The following BRIP1 variants were observed in gnomAD, a reference collection of about 807,000 sequenced individuals.
The protein encoded by BRIP1 is Fanconi anemia group J protein.
A neutral mutation model predicts 119.7 loss-of-function variants in BRIP1; 88 were observed. The observed-to-expected ratio is 0.74, with a 90% CI of 0.62 to 0.88. The LOEUF (loss-of-function observed/expected upper bound fraction) is 0.88, where lower values mean the gene tolerates loss of function less well. Among genes scored for constraint, BRIP1 ranks in the 40% least tolerant of loss-of-function variants. BRIP1 has a pLI of 0.00. For synonymous variants in BRIP1, 443 were observed against 496.5 expected, an observed-to-expected ratio of 0.89 and a Z score of 1.43; for missense variants, 1,259 against 1,455.4, an observed-to-expected ratio of 0.87 and a Z score of 2.20.
In BRIP1 at chr17:61,743,649, C is replaced by T. The variant is rs375058121; in HGVS notation, c.2258-515G>A. Among the ~76,000 whole-genome samples, 1 of 152,038 alleles carries T rather than the reference C, an allele frequency of 6.6e-6. No individual in the cohort carries two copies. The highest frequency in any genetic ancestry group is 1.9e-4 in the East Asian group (1 of 5,188). On this transcript the variant is annotated intron_variant, in intron 15 of 19. Transcript: ENST00000259008. The surrounding 1 kb of genome is among the most constrained non-coding windows in gnomAD (Gnocchi z 4.3). ...ACCTCTTTCTTGCATTGTTCATAAACTACTACTATCCCTTCACATCAAACT... is the reference window on the plus strand; with the variant it reads ...ACCTCTTTCTTGCATTGTTCATAAATTACTACTATCCCTTCACATCAAACT...
intron 7 of BRIP1, among the ~76,000 whole-genome samples, chr17:61,801,923 A>G (rs2078002371): frequency 6.6e-6 from 1 of 152,126 alleles, no homozygotes; most frequent in African/African-American, 2.4e-5. Context: ...ACTTTGAGCC[A>G]TGTGATAGTA....
chr17:61,741,307 C>T (rs2076983756), intron 16 of BRIP1, among the ~76,000 whole-genome samples: 1 of 152,240 alleles, frequency 6.6e-6, no homozygotes, highest in African/African-American at 2.4e-5. Context: ...GAACTCTTAA[C>T]TCCCTCAGAG....
At chr17:61,763,221 T>C (rs1434402900) in intron 14 of BRIP1, among the ~76,000 whole-genome samples, 1 of 152,164 alleles carries the variant, frequency 6.6e-6, no homozygotes, top group Non-Finnish European at 1.5e-5. Context: ...TTCATCCATG[T>C]TGTAGCATGA....
In BRIP1 at chr17:61,685,990, A is replaced by G. The variant is rs150780318; in HGVS notation, c.2751T>C (p.Ser917=). The G allele has an allele frequency of 1.3e-5, 21 of 1,613,904 alleles. No individual in the cohort carries two copies. The highest frequency in any genetic ancestry group is 7.6e-6 in the Non-Finnish European group (9 of 1,179,920). Reference sequence around the variant, plus strand: ...CTGCTTCCAGTAAATAAGGTGAGGTACTGTACTTTAAAGAGGTCACTTCAA... The same window carrying G: ...CTGCTTCCAGTAAATAAGGTGAGGTGCTGTACTTTAAAGAGGTCACTTCAA... ...STLEVTSLKY[S]TSPYLLEAAS... The change falls in exon 19 of 20, where the codon AGT becomes AGC. Residue 917 remains serine, a synonymous_variant. Transcript: ENST00000259008.
rs587781325 is a variant in BRIP1 at position 61,801,288 on chromosome 17, A to G, written c.1105T>C (p.Tyr369His). The G allele has an allele frequency of 3.0e-5, 48 of 1,613,900 alleles. No homozygotes were observed. The highest frequency in any genetic ancestry group is 4.0e-5 in the Non-Finnish European group (47 of 1,179,890). ...ATTTGTGCATCTAGAAGATAGTTGT[A>G]GGGACAAAATATGATGTCAGCATCT... ...IQDADIIFCPYNYLLDAQIRE... is the reference protein window; with the variant it reads ...IQDADIIFCPHNYLLDAQIRE... The change falls in exon 8 of 20, where the codon TAC becomes CAC. Residue 369 changes from tyrosine to histidine, a missense_variant. Tyr to His is a moderately conservative substitution (Grantham distance 83, BLOSUM62 2). Coordinates refer to ENST00000259008, the MANE Select transcript of BRIP1 (RefSeq NM_032043.3).
intron 10 of BRIP1, among the ~76,000 whole-genome samples, chr17:61,787,272 A>C (rs1372841248): frequency 1.4e-5 from 1 of 74,072 alleles, no homozygotes; most frequent in Non-Finnish European, 2.4e-5. Flanking sequence ...AAAATATATA[A>C]AAATATATTA....
rs2145093977 is a variant in BRIP1 at position 61,780,922 on chromosome 17, A to T, written c.1712T>A (p.Leu571Ter). ...QIDISDKNGL[L>*]VLPKNKKRSR... ...ACGTTTCTTATTTTTTGGTAGAACC[A>T]ACAACCCATTTTTGTCTGAAATATC... Residue 571 changes from leucine (L) to a stop codon, truncating the protein, a stop_gained, in exon 12 of 20, where the codon TTG becomes TAG. Coordinates refer to ENST00000259008, the MANE Select transcript of BRIP1 (RefSeq NM_032043.3). LOFTEE classifies it high-confidence loss of function. This position sits in a 1 kb window ranked among gnomAD's most constrained non-coding sequence, Gnocchi z 5.4. 6.2e-7 allele frequency: 1 copy of T among 1,614,136 alleles called. No individual in the cohort carries two copies. The highest frequency in any genetic ancestry group is 8.5e-7 in the Non-Finnish European group (1 of 1,180,012).
In BRIP1 at chr17:61,787,397, TA is replaced by T. The variant is rs1321274616; in HGVS notation, c.1474-2974del. ...AGTTATATACTATATATAGTATATA[TA>T]TTTATATAAAATATTTATATAAAAT... On this transcript the variant is annotated intron_variant, in intron 10 of 19. Transcript: ENST00000259008. Among the ~76,000 whole-genome samples, 128 of 137,206 alleles carry T rather than the reference TA, an allele frequency of 9.3e-4. 3 individuals carry two copies. Among genetic ancestry groups the T allele is most frequent in the Non-Finnish European group, 1.7e-3 (108 of 64,874 alleles). The allele number at this position is 137,206 out of a possible 152,430, so 90.0% of individuals were successfully genotyped here.
rs1017296616 is a variant in BRIP1 at position 61,794,353 on chromosome 17, T to C, written c.1341-624A>G. Among the ~76,000 whole-genome samples, 2 of 152,064 alleles carry C rather than the reference T, an allele frequency of 1.3e-5. No individual in the cohort carries two copies. Among genetic ancestry groups the C allele is most frequent in the Non-Finnish European group, 2.9e-5 (2 of 68,004 alleles). ...AAAATGTCAGGTAGTCATGGGATAC[T>C]ATATGGCCATAAAAAAGAACAAGAA... is the stretch of plus-strand genomic sequence containing the variant. On this transcript the variant is annotated intron_variant, in intron 9 of 19. Coordinates refer to ENST00000259008, the MANE Select transcript of BRIP1 (RefSeq NM_032043.3). This position sits in a 1 kb window ranked among gnomAD's most constrained non-coding sequence, Gnocchi z 4.3.
At position 61,713,973 on chromosome 17, in the gene BRIP1, A is replaced by C. The variant is rs1039943303; in HGVS notation, c.2492+1978T>G. 6.6e-6 allele frequency among the ~76,000 whole-genome samples: 1 copy of C among 152,020 alleles called. No individual in the cohort carries two copies. Among genetic ancestry groups the C allele is most frequent in the Non-Finnish European group, 1.5e-5 (1 of 68,014 alleles). On this transcript the variant is annotated intron_variant, in intron 17 of 19. Transcript: ENST00000259008. This position sits in a 1 kb window ranked among gnomAD's most constrained non-coding sequence, Gnocchi z 4.9. Reference sequence around the variant, plus strand: ...AGCTAAGTGTTGTAAAAGAGTCAAAAAGGTAAAAAAAAAGATAAAAAGATA... The same window carrying C: ...AGCTAAGTGTTGTAAAAGAGTCAAACAGGTAAAAAAAAAGATAAAAAGATA...
Position 61,834,380 on chromosome 17 carries a change from C to T in BRIP1, c.627+12721G>A, listed in dbSNP as rs1437750744. Among the ~76,000 whole-genome samples, 2 of 151,968 alleles carry T rather than the reference C, an allele frequency of 1.3e-5. No homozygotes were observed. Among genetic ancestry groups the T allele is most frequent in the Non-Finnish European group, 2.9e-5 (2 of 68,002 alleles). The stretch of plus-strand genomic sequence containing the variant: ...GATTGCAGGAGTGAGCCACCACGCT[C>T]GGCCCAATAATTACGATTTTTTTGA... On this transcript the variant is annotated intron_variant, in intron 6 of 19. Transcript: ENST00000259008. The surrounding 1 kb of genome is among the most constrained non-coding windows in gnomAD (Gnocchi z 4.4).
In BRIP1 at chr17:61,853,639, G is replaced by T. The variant is rs139482009; in HGVS notation, c.379+3419C>A. The stretch of plus-strand genomic sequence containing the variant: ...ATAAAGACACAAAGGCAATGTAGTG[G>T]ATAAAGGATAGCCTTTTCGATATAT... On this transcript the variant is annotated intron_variant, in intron 4 of 19. Coordinates refer to ENST00000259008, the MANE Select transcript of BRIP1 (RefSeq NM_032043.3). The surrounding 1 kb of genome is among the most constrained non-coding windows in gnomAD (Gnocchi z 4.3). 6.4e-4 allele frequency among the ~76,000 whole-genome samples: 98 copies of T among 152,256 alleles called. 2 individuals carry two copies. In the South Asian group the frequency reaches 0.02, roughly 31 times the overall value.
rs1030188145 is a variant in BRIP1, at chr17:61,760,160, G to A, written c.2098-15569C>T. 6.6e-5 allele frequency among the ~76,000 whole-genome samples: 10 copies of A among 151,870 alleles called. 1 individual carries two copies. The highest frequency in any genetic ancestry group is 2.4e-4 in the African/African-American group (10 of 41,474). On this transcript the variant is annotated intron_variant, in intron 14 of 19. Coordinates refer to ENST00000259008, the MANE Select transcript of BRIP1 (RefSeq NM_032043.3). The surrounding 1 kb of genome is among the most constrained non-coding windows in gnomAD (Gnocchi z 4.6). ...AATTTGGGAAAATTCACAAATATAT[G>A]GAAATTAAACAACATGTTCCTGAAC...
rs35019722 is a variant in BRIP1, at chr17:61,758,837, TAA to T, written c.2098-14248_2098-14247del. On this transcript the variant is annotated intron_variant, in intron 14 of 19. Transcript: ENST00000259008. This position sits in a 1 kb window ranked among gnomAD's most constrained non-coding sequence, Gnocchi z 5.3. ...GGGCAAAACAGCAAGACCCTATCTC[TAA>T]AAAAAAAAAAGTTTTTAAAAAATGT... Among the ~76,000 whole-genome samples, 140 of 145,942 alleles carry T rather than the reference TAA, an allele frequency of 9.6e-4. No homozygotes were observed. Among genetic ancestry groups the T allele is most frequent in the Admixed American group, 3.9e-3 (57 of 14,522 alleles).
chr17:61,783,918 AAT>A (rs2077661508), intron 11 of BRIP1: 1 of 182,690 alleles, frequency 5.5e-6, no homozygotes, highest in East Asian at 1.6e-4. Context: ...CTACAAAAAA[AAT>A]AAAAATTAAA....
chr17:61,820,777 C>T (rs2078308622), intron 6 of BRIP1, among the ~76,000 whole-genome samples: 1 of 151,976 alleles, frequency 6.6e-6, no homozygotes, highest in Non-Finnish European at 1.5e-5. Context: ...TGGTGAAACC[C>T]TGTCTCTACT....
At chr17:61,697,336 CAAAAAAAAAAAAAAA>C (rs55963888) in intron 17 of BRIP1, among the ~76,000 whole-genome samples, 24 of 59,164 alleles carry the variant, frequency 4.1e-4, no homozygotes, top group African/African-American at 9.7e-4. Flanking sequence ...GACTCTGTCT[CAAAAAAAAAAAAAAA>C]AAAAAAAAAA....
chr17:61,837,698 T>C (rs1184586259), intron 6 of BRIP1, among the ~76,000 whole-genome samples: 1 of 152,114 alleles, frequency 6.6e-6, no homozygotes, highest in Non-Finnish European at 1.5e-5. Flanking sequence ...TAACATACTA[T>C]TCTAAAAAAC....
In BRIP1 at chr17:61,801,336, A is replaced by G. The variant is rs1567831780; in HGVS notation, c.1057T>C (p.Tyr353His). The G allele has an allele frequency of 1.2e-6, 2 of 1,613,964 alleles. No homozygotes were observed. Among genetic ancestry groups the G allele is most frequent in the African/African-American group, 2.7e-5 (2 of 74,922 alleles). Residue 353 changes from tyrosine (Y) to histidine (H), a missense_variant, in exon 8 of 20, where the codon TAC becomes CAC. Around this residue, in one of 3 missense-constraint regions of BRIP1, gnomAD observed 501 missense variants for 544.0 expected, o/e 0.92. Transcript: ENST00000259008. ...LGKKLKACPY[Y>H]TARELIQDAD... ...TCTTGTATTAGTTCTCGGGCTGTGT[A>G]ATATGGACAGGCCTTTAGTTTCTTC...
Sources: allele counts gnomAD v4.1 joint callset (sites outside exome capture counted in the v4.1 genomes callset), GRCh38; gene constraint gnomAD v4.1.1; regional missense constraint gnomAD v4.1.1; non-coding constraint Gnocchi (gnomAD v3.1); transcripts MANE v1.5; gene names NCBI Gene and HGNC (gene_info 2026-07-23, HGNC 2026-07-21).